Variants in IMMP2L observed in about 807,000 individuals in gnomAD.
IMMP2L encodes mitochondrial inner membrane protease subunit 2.
IMMP2L carries 18 observed loss-of-function variants against 19.3 expected under a neutral mutation model. The observed-to-expected ratio is 0.93, with a 90% CI of 0.64 to 1.38. The LOEUF (loss-of-function observed/expected upper bound fraction) is 1.38. Ranked by LOEUF, IMMP2L falls within the 40% of genes most tolerant of loss-of-function variation. IMMP2L has a pLI of 0.00. For missense variants in IMMP2L, 233 were observed against 218.2 expected, an observed-to-expected ratio of 1.07 and a Z score of -0.43; for synonymous variants, 76 against 73.0, an observed-to-expected ratio of 1.04 and a Z score of -0.21.
intron 5 of IMMP2L, among the ~76,000 whole-genome samples, chr7:110,764,854 T>G (rs1381431680): frequency 6.6e-6 from 1 of 152,108 alleles, no homozygotes; most frequent in African/African-American, 2.4e-5. Context: ...ACTATTATTC[T>G]TTTACTTCTA....
At chr7:111,078,689 A>C (rs931036306) in intron 3 of IMMP2L, among the ~76,000 whole-genome samples, 2 of 151,904 alleles carry the variant, frequency 1.3e-5, no homozygotes, top group African/African-American at 4.8e-5. Context: ...AGTTTTCAAA[A>C]TTTTTTACAA....
At chr7:111,554,186 TTGATATA>T (rs1354311613) in intron 1 of IMMP2L, among the ~76,000 whole-genome samples, 2 of 152,174 alleles carry the variant, frequency 1.3e-5, no homozygotes. Flanking sequence ...CCCCAGATAC[TTGATATA>T]ATTGCACTGG....
intron 3 of IMMP2L, among the ~76,000 whole-genome samples, chr7:111,087,330 T>C (rs986368091): frequency 1.3e-5 from 2 of 151,762 alleles, no homozygotes; most frequent in South Asian, 4.2e-4. Context: ...GCGCCTATAG[T>C]CCCAGCTACC....
At chr7:111,326,199 T>A (rs868352731) in intron 3 of IMMP2L, among the ~76,000 whole-genome samples, 1 of 151,886 alleles carries the variant, frequency 6.6e-6, no homozygotes. Flanking sequence ...TTGAAGGCAA[T>A]TAGTTCATCA....
chr7:110,856,204 G>C (rs1235470927), intron 5 of IMMP2L, among the ~76,000 whole-genome samples: 1 of 151,916 alleles, frequency 6.6e-6, no homozygotes, highest in Non-Finnish European at 1.5e-5. Context: ...TCATCGTCAA[G>C]TCTGGTCTGT....
intron 3 of IMMP2L, among the ~76,000 whole-genome samples, chr7:111,269,370 A>G (rs950853412): frequency 6.6e-6 from 1 of 152,210 alleles, no homozygotes; most frequent in Non-Finnish European, 1.5e-5. Context: ...AACAAATGAT[A>G]GAATTTTTAA....
chr7:110,882,754 T>G (rs907025388), intron 5 of IMMP2L, among the ~76,000 whole-genome samples: 1 of 151,516 alleles, frequency 6.6e-6, no homozygotes, highest in African/African-American at 2.4e-5. Context: ...TGTTTTTTTT[T>G]GTTTTTTCTT....
At chr7:111,393,938 C>T (rs1253686597) in intron 3 of IMMP2L, among the ~76,000 whole-genome samples, 1 of 152,110 alleles carries the variant, frequency 6.6e-6, no homozygotes, top group African/African-American at 2.4e-5. Flanking sequence ...TTCTTAACAT[C>T]ATATTCTCAC....
intron 3 of IMMP2L, among the ~76,000 whole-genome samples, chr7:111,356,215 T>C (rs1828683351): frequency 6.6e-6 from 1 of 152,076 alleles, no homozygotes; most frequent in African/African-American, 2.4e-5. Flanking sequence ...CATGTTCAGA[T>C]GCAGTTGGCC....
intron 4 of IMMP2L, among the ~76,000 whole-genome samples, chr7:110,893,470 AC>A (rs1354015496): frequency 6.6e-6 from 1 of 152,170 alleles, no homozygotes; most frequent in Non-Finnish European, 1.5e-5. Context: ...GTAGTTTGTT[AC>A]TTTTTTAAAA....
intron 5 of IMMP2L, among the ~76,000 whole-genome samples, chr7:110,827,673 C>T (rs1437075754): frequency 3.9e-5 from 6 of 152,098 alleles, no homozygotes; most frequent in Non-Finnish European, 5.9e-5. Context: ...TAGCTGGAAT[C>T]AGGGGCTTGA....
chr7:110,812,513 C>T (rs1017902012), intron 5 of IMMP2L, among the ~76,000 whole-genome samples: 5 of 151,984 alleles, frequency 3.3e-5, no homozygotes, highest in African/African-American at 4.8e-5. Context: ...AGTCTCGCTG[C>T]TATCTTCTAG....
intron 5 of IMMP2L, among the ~76,000 whole-genome samples, chr7:110,782,869 G>C (rs2131092154): frequency 6.6e-6 from 1 of 151,992 alleles, no homozygotes; most frequent in Non-Finnish European, 1.5e-5. Flanking sequence ...AGATTCAAAG[G>C]ACAGGGATGT....
At chr7:111,132,589 C>A (rs1801954305) in intron 3 of IMMP2L, among the ~76,000 whole-genome samples, 1 of 152,006 alleles carries the variant, frequency 6.6e-6, no homozygotes, top group African/African-American at 2.4e-5. Context: ...TAATGCTTAG[C>A]TTTGTTGACT....
At chr7:111,009,975 C>T (rs953141304) in intron 3 of IMMP2L, among the ~76,000 whole-genome samples, 9 of 152,080 alleles carry the variant, frequency 5.9e-5, no homozygotes, top group African/African-American at 2.2e-4. Context: ...ACAAACTCTC[C>T]GTGTCAGTGT....
At chr7:111,075,748 C>T (rs1213356539) in intron 3 of IMMP2L, among the ~76,000 whole-genome samples, 2 of 152,124 alleles carry the variant, frequency 1.3e-5, no homozygotes, top group African/African-American at 4.8e-5. Flanking sequence ...CACGTTGTCA[C>T]ATCTAAAGAT....
At chr7:110,973,336 T>A (rs547657242) in intron 3 of IMMP2L, among the ~76,000 whole-genome samples, 2 of 152,066 alleles carry the variant, frequency 1.3e-5, no homozygotes, top group African/African-American at 4.8e-5. Context: ...TGGGGAAAAA[T>A]TCCTAGCTGC....
At chr7:110,688,141 T>C (rs1247162378) in intron 5 of IMMP2L, among the ~76,000 whole-genome samples, 1 of 152,034 alleles carries the variant, frequency 6.6e-6, no homozygotes, top group Non-Finnish European at 1.5e-5. Flanking sequence ...GGATCCTCTA[T>C]CATGAGCCAC....
rs10282079 is a variant in IMMP2L at position 110,737,558 on chromosome 7, G to T, written c.409-73837C>A. 7.3e-3 allele frequency among the ~76,000 whole-genome samples: 1,117 copies of T among 152,278 alleles called. 13 individuals carry two copies. The highest frequency in any genetic ancestry group is 0.025 in the African/African-American group (1,057 of 41,544). On this transcript the variant is annotated intron_variant, in intron 5 of 5. Coordinates refer to ENST00000405709, the MANE Select transcript of IMMP2L (RefSeq NM_032549.4). ...GTTGAGCTCAGACATGCCTGTCTCT[G>T]CTCCCACCTGGTGGTCTTTCTCTAC...
Sources: gnomAD v4.1 joint callset for allele counts (sites outside exome capture counted in the v4.1 genomes callset) on GRCh38, gnomAD v4.1.1 for gene constraint, MANE v1.5 for transcripts, NCBI Gene and HGNC (gene_info 2026-07-23, HGNC 2026-07-21) for gene names.